Variants in FAM149B1 observed in about 807,000 individuals in gnomAD.
The protein encoded by FAM149B1 is family with sequence similarity 149 member B1.
In FAM149B1, 56 loss-of-function variants were observed where a neutral mutation model predicts 75.3. That is an observed-to-expected ratio of 0.74 (90% CI 0.60 to 0.93). The LOEUF (loss-of-function observed/expected upper bound fraction) is 0.93, where lower values mean the gene tolerates loss of function less well. Among genes scored for constraint, FAM149B1 ranks in the 40% least tolerant of loss-of-function variants. The pLI, the probability that FAM149B1 is intolerant of heterozygous loss-of-function variation, is 0.00. For synonymous variants in FAM149B1, 259 were observed against 256.1 expected, an observed-to-expected ratio of 1.01 and a Z score of -0.11; for missense variants, 639 against 708.4, an observed-to-expected ratio of 0.90 and a Z score of 1.11.
At chr10:73,234,749 A>G (rs2043783417) in intron 10 of FAM149B1, 68 bp from the exon 11 acceptor site, 1 of 1,499,872 alleles carries the variant, frequency 6.7e-7, no homozygotes, top group Non-Finnish European at 9.0e-7. Context: ...TCTGATTTCT[A>G]ATCAATTTGC....
chr10:73,230,089 A>G (rs2043649389), intron 8 of FAM149B1, among the ~76,000 whole-genome samples: 1 of 152,164 alleles, frequency 6.6e-6, no homozygotes, highest in South Asian at 2.1e-4. Context: ...TTATTGTTCC[A>G]TATTTTGTCT....
intron 5 of FAM149B1, among the ~76,000 whole-genome samples, chr10:73,196,324 CTT>C (rs1035328920): frequency 1.4e-5 from 2 of 144,556 alleles, no homozygotes. Context: ...GCCCCCCACC[CTT>C]TTTTTTTTTT....
intron 6 of FAM149B1, among the ~76,000 whole-genome samples, chr10:73,209,732 A>C (rs1468666281): frequency 3.3e-5 from 5 of 152,330 alleles, no homozygotes; most frequent in East Asian, 3.9e-4. Context: ...CTGTGACATT[A>C]ACCTGTTAAA....
At chr10:73,229,085 T>C (rs1240856807) in intron 8 of FAM149B1, among the ~76,000 whole-genome samples, 1 of 152,140 alleles carries the variant, frequency 6.6e-6, no homozygotes, top group African/African-American at 2.4e-5. Flanking sequence ...AAACCAGGTA[T>C]AAAAATCAAA....
chr10:73,170,599 C>G (rs769584052), intron 1 of FAM149B1, among the ~76,000 whole-genome samples: 1 of 152,128 alleles, frequency 6.6e-6, no homozygotes, highest in African/African-American at 2.4e-5. Flanking sequence ...CTTGTCCCTT[C>G]GCACTTTTAC....
chr10:73,200,896 G>A lies in FAM149B1; in HGVS notation c.542+7303G>A, dbSNP rs1362299774. On this transcript the variant is annotated intron_variant, in intron 5 of 13. Transcript: ENST00000242505. The stretch of plus-strand genomic sequence containing the variant: ...GACTGAGAAAATACATGCCAGGGAC[G>A]TCACAGTTTTTGCTCTGCATGGCGA... The A allele has an allele frequency of 1.4e-5, 7 of 483,896 alleles. 1 individual carries two copies. The highest frequency in any genetic ancestry group is 1.6e-5 in the South Asian group (1 of 61,812). The allele number at this position is 483,896 out of a possible 1,614,324, so 30.0% of individuals were successfully genotyped here. A position where few individuals can be genotyped will look rare whatever the true frequency, so the allele number is the denominator to read the frequency against.
chr10:73,220,356 T>G (rs554777764), intron 7 of FAM149B1, among the ~76,000 whole-genome samples: 2 of 152,196 alleles, frequency 1.3e-5, no homozygotes, highest in East Asian at 1.9e-4. Context: ...TGGAAACAAT[T>G]TGGCAGCTCC....
intron 7 of FAM149B1, among the ~76,000 whole-genome samples, chr10:73,224,127 T>C (rs1003334879): frequency 6.6e-6 from 1 of 152,194 alleles, no homozygotes; most frequent in African/African-American, 2.4e-5. Context: ...ATTTAGTAGG[T>C]TGACTGAAAT....
chr10:73,177,748 A>ACACATATATTTATTTGTACACATATAT, intron 2 of FAM149B1, 98 bp from the exon 3 acceptor site: 2 of 1,045,138 alleles, frequency 1.9e-6, no homozygotes, highest in Non-Finnish European at 1.4e-6. Flanking sequence ...TACACATGTT[A>ACACATATATTTATTTGTACACATATAT]ATCACCTAGT....
At chr10:73,190,669 G>A (rs1182523423) in intron 3 of FAM149B1, among the ~76,000 whole-genome samples, 2 of 151,296 alleles carry the variant, frequency 1.3e-5, no homozygotes, top group African/African-American at 2.4e-5. Context: ...GGATAAGCAA[G>A]GAATCTGAAG....
chr10:73,219,093 T>G (rs2043354462), intron 7 of FAM149B1, among the ~76,000 whole-genome samples: 1 of 152,188 alleles, frequency 6.6e-6, no homozygotes. Context: ...TTTATCATGC[T>G]TCTCAAAATT....
chr10:73,236,779 G>A (rs2043833948), intron 12 of FAM149B1, among the ~76,000 whole-genome samples: 1 of 148,512 alleles, frequency 6.7e-6, no homozygotes, highest in Admixed American at 6.8e-5. Context: ...CTGGAGTGCA[G>A]AGCACAGCTC....
chr10:73,240,524 A>T (rs925588943), intron 13 of FAM149B1, among the ~76,000 whole-genome samples: 4 of 152,136 alleles, frequency 2.6e-5, no homozygotes, highest in South Asian at 2.1e-4. Context: ...CATCCTGGCT[A>T]ACATGGTGAA....
At chr10:73,206,253 A>C (rs2043051515) in intron 5 of FAM149B1, among the ~76,000 whole-genome samples, 1 of 152,192 alleles carries the variant, frequency 6.6e-6, no homozygotes, top group Non-Finnish European at 1.5e-5. Flanking sequence ...GGGTAGCAGA[A>C]ATTTCTAAGT....
intron 9 of FAM149B1, among the ~76,000 whole-genome samples, chr10:73,231,647 T>TCAAG (rs200923176): frequency 0.15 from 23,329 of 152,000 alleles, 2,922 homozygotes; most frequent in African/African-American, 0.32. Context: ...GGAGTGAAAT[T>TCAAG]TAAGTGAAAT....
chr10:73,234,391 A>G, intron 10 of FAM149B1: 1 of 168,894 alleles, frequency 5.9e-6, no homozygotes, highest in Non-Finnish European at 1.3e-5. Context: ...AAGCTGCTCC[A>G]GATCCTACTG....
intron 5 of FAM149B1, among the ~76,000 whole-genome samples, chr10:73,206,658 G>T (rs1263359666): frequency 6.6e-6 from 1 of 152,194 alleles, no homozygotes; most frequent in South Asian, 2.1e-4. Flanking sequence ...TTTTTGCTGG[G>T]GCTCAGCGGG....
chr10:73,192,794 G>A (rs1158964007), intron 4 of FAM149B1, 96 bp downstream of exon 4: 1 of 1,170,600 alleles, frequency 8.5e-7, no homozygotes. Context: ...ATCTTTATGA[G>A]CATGACTTTA....
At chr10:73,184,287 T>C (rs2042467900) in intron 3 of FAM149B1, among the ~76,000 whole-genome samples, 1 of 152,294 alleles carries the variant, frequency 6.6e-6, no homozygotes, top group Non-Finnish European at 1.5e-5. Flanking sequence ...GAAAATATAG[T>C]AGTTATAAAT....
Sources: allele counts gnomAD v4.1 joint callset (sites outside exome capture counted in the v4.1 genomes callset), GRCh38; gene constraint gnomAD v4.1.1; transcripts MANE v1.5; gene names NCBI Gene and HGNC (gene_info 2026-07-23, HGNC 2026-07-21).